Variants in UGT2B4 observed in about 807,000 individuals in gnomAD.
UGT2B4 encodes UDP glucuronosyltransferase family 2 member B4, also known as UDP-glucuronosyltransferase 2B4.
Under a neutral mutation model 49.8 loss-of-function variants are expected in UGT2B4, and 49 were observed. That is an observed-to-expected ratio of 0.98 (90% confidence interval 0.78 to 1.25). The LOEUF is 1.25. Ranked by LOEUF, UGT2B4 falls within the 50% of genes most tolerant of loss-of-function variation. UGT2B4 has a pLI of 0.00. For synonymous variants in UGT2B4, 246 were observed against 217.7 expected, an observed-to-expected ratio of 1.13 and a Z score of -1.14; for missense variants, 729 against 627.7, an observed-to-expected ratio of 1.16 and a Z score of -1.73.
intron 1 of UGT2B4, among the ~76,000 whole-genome samples, chr4:69,511,420 C>T (rs1728600000): frequency 6.6e-6 from 1 of 151,994 alleles, no homozygotes; most frequent in African/African-American, 2.4e-5. Context: ...TTTGTGTGGT[C>T]TTCATTCATC....
chr4:69,510,742 A>G (rs1012776516), intron 1 of UGT2B4, among the ~76,000 whole-genome samples: 1 of 152,078 alleles, frequency 6.6e-6, no homozygotes, highest in African/African-American at 2.4e-5. Flanking sequence ...GGTTTTTCAC[A>G]TATAATATCA....
Position 69,480,401 on chromosome 4 carries a change from A to G in UGT2B4, c.*233T>C. 2.0e-6 allele frequency: 1 copy of G among 510,454 alleles called. No individual in the cohort carries two copies. The highest frequency in any genetic ancestry group is 3.3e-6 in the Non-Finnish European group (1 of 302,158). The allele number at this position is 510,454 out of a possible 1,614,324, so 31.6% of individuals were successfully genotyped here. A position where few individuals can be genotyped will look rare whatever the true frequency, so the allele number is the denominator to read the frequency against. The stretch of plus-strand genomic sequence containing the variant: ...CAATATAAGCTCAATACATTTCAAT[A>G]TAACCTCATATGGCTTTATATCATT... On this transcript the variant is annotated 3_prime_UTR_variant, in exon 6 of 6. Transcript: ENST00000305107.
At chr4:69,519,238 A>G (rs566799041) in intron 1 of UGT2B4, among the ~76,000 whole-genome samples, 2 of 152,350 alleles carry the variant, frequency 1.3e-5, no homozygotes, top group African/African-American at 4.8e-5. Flanking sequence ...TAATTCTAAC[A>G]GACAGCCATG....
rs557584923 is a variant in UGT2B4, at chr4:69,523,591, A to G, written c.-106+2096T>C. ...CTTTGTCATTCTATTTATACAGCAGACACAAAGCAGATTTATCATAATTCT... is the reference window on the plus strand; with the variant it reads ...CTTTGTCATTCTATTTATACAGCAGGCACAAAGCAGATTTATCATAATTCT... On this transcript the variant is annotated intron_variant, in intron 1 of 1. Transcript: ENST00000510114. Among the ~76,000 whole-genome samples the G allele has an allele frequency of 2.0e-5, 3 of 152,254 alleles. No individual in the cohort carries two copies. The South Asian group carries it at 6.2e-4, about 32-fold the overall frequency.
chr4:69,519,841 A>T (rs560533187), intron 1 of UGT2B4, among the ~76,000 whole-genome samples: 50 of 152,330 alleles, frequency 3.3e-4, no homozygotes, highest in African/African-American at 1.2e-3. Context: ...CCCGTTCAAT[A>T]TTAACATGTG....
At chr4:69,516,987 A>G (rs1728750329) in intron 1 of UGT2B4, among the ~76,000 whole-genome samples, 1 of 151,888 alleles carries the variant, frequency 6.6e-6, no homozygotes, top group African/African-American at 2.4e-5. Flanking sequence ...TTTCTTGAAA[A>G]TTGCTTTAAA....
chr4:69,499,471 C>A (rs1728245842), upstream of UGT2B4, among the ~76,000 whole-genome samples: 1 of 152,166 alleles, frequency 6.6e-6, no homozygotes, highest in Non-Finnish European at 1.5e-5. Context: ...GTGTTAAAGT[C>A]TCCCACAATT....
chr4:69,501,787 G>A (rs987960951), intron 1 of UGT2B4, among the ~76,000 whole-genome samples: 1 of 151,952 alleles, frequency 6.6e-6, no homozygotes, highest in African/African-American at 2.4e-5. Flanking sequence ...GTTCCAAGGT[G>A]ACCAGGGGCT....
chr4:69,511,495 A>G (rs1031724532), intron 1 of UGT2B4, among the ~76,000 whole-genome samples: 1 of 152,184 alleles, frequency 6.6e-6, no homozygotes, highest in Non-Finnish European at 1.5e-5. Flanking sequence ...TTCTAGGGAT[A>G]AATTTCATTT....
At chr4:69,518,906 A>G (rs909944436) in intron 1 of UGT2B4, among the ~76,000 whole-genome samples, 7 of 152,242 alleles carry the variant, frequency 4.6e-5, no homozygotes, top group African/African-American at 1.7e-4. Flanking sequence ...AAAATACAGT[A>G]AGTTTCATAT....
intron 1 of UGT2B4, among the ~76,000 whole-genome samples, chr4:69,516,759 C>T (rs773199774): frequency 2.6e-5 from 4 of 152,056 alleles, no homozygotes; most frequent in Admixed American, 6.6e-5. Flanking sequence ...AGGCACCCAC[C>T]ACCACGCCTG....
At chr4:69,520,433 C>T (rs1480953507) in intron 1 of UGT2B4, among the ~76,000 whole-genome samples, 5 of 152,182 alleles carry the variant, frequency 3.3e-5, no homozygotes, top group African/African-American at 9.7e-5. Context: ...GTGGTAGCAC[C>T]GTGCTCCCAG....
At chr4:69,489,593 C>A in intron 2 of UGT2B4, 23 bp from the exon 3 acceptor site, 1 of 1,595,784 alleles carries the variant, frequency 6.3e-7, no homozygotes, top group Non-Finnish European at 8.5e-7. Context: ...AGAATTTGTT[C>A]TATCATAATA....
At chr4:69,514,948 G>A (rs922423160) in intron 1 of UGT2B4, among the ~76,000 whole-genome samples, 1 of 152,134 alleles carries the variant, frequency 6.6e-6, no homozygotes, top group Non-Finnish European at 1.5e-5. Flanking sequence ...TAATGGGGAA[G>A]GGTTTAATTC....
At chr4:69,496,517 AC>A (rs1728167921), upstream of UGT2B4, among the ~76,000 whole-genome samples, 2 of 152,232 alleles carry the variant, frequency 1.3e-5, no homozygotes, top group Admixed American at 1.3e-4. Flanking sequence ...AAATTTGTTG[AC>A]GTATAATTCA....
At chr4:69,489,376 TCTTTACAAACTTTAACAGCCTC>T in intron 3 of UGT2B4, 41 bp downstream of exon 3, 2 of 1,590,282 alleles carry the variant, frequency 1.3e-6, no homozygotes. Flanking sequence ...ACAATTGGGT[TCTTTACAAACTTTAACAGCCTC>T]TTTCAGTAGT....
At chr4:69,488,729 C>T (rs1727868654) in intron 3 of UGT2B4, among the ~76,000 whole-genome samples, 1 of 151,938 alleles carries the variant, frequency 6.6e-6, no homozygotes, top group Non-Finnish European at 1.5e-5. Context: ...TTATACTACA[C>T]AGGGTCCACC....
chr4:69,511,642 C>T (rs12651434), intron 1 of UGT2B4, among the ~76,000 whole-genome samples: 53,250 of 151,536 alleles, frequency 0.35, 9,379 homozygotes, highest in Non-Finnish European at 0.37. Flanking sequence ...ATTTCTGTCG[C>T]GTGTTTGTCT....
At chr4:69,524,964 T>G (rs1222033420) in intron 1 of UGT2B4, among the ~76,000 whole-genome samples, 1 of 152,154 alleles carries the variant, frequency 6.6e-6, no homozygotes, top group African/African-American at 2.4e-5. Flanking sequence ...TGAGAAAAGG[T>G]CATGGTATTT....
Sources: allele counts gnomAD v4.1 joint callset (sites outside exome capture counted in the v4.1 genomes callset), GRCh38; gene constraint gnomAD v4.1.1; transcripts MANE v1.5; gene names NCBI Gene and HGNC (gene_info 2026-07-23, HGNC 2026-07-21).